Variants in CCDC102B observed in about 807,000 individuals in gnomAD.
CCDC102B encodes coiled-coil domain containing 102B, also known as coiled-coil domain-containing protein 102B.
Under a neutral mutation model 57.4 loss-of-function variants are expected in CCDC102B, and 75 were observed. The ratio of observed to expected loss-of-function variants is 1.31; its 90% CI spans 1.08 to 1.58. The LOEUF is 1.58. Ranked by LOEUF, CCDC102B falls within the 40% of genes most tolerant of loss-of-function variation. CCDC102B has a pLI of 0.00. For missense variants in CCDC102B, 636 were observed against 582.6 expected (o/e 1.09, Z -0.94); for synonymous variants, 206 against 201.9 (o/e 1.02, Z -0.17).
At chr18:69,009,465 A>G (rs1428024399) in intron 6 of CCDC102B, among the ~76,000 whole-genome samples, 10 of 152,120 alleles carry the variant, frequency 6.6e-5, no homozygotes, top group Non-Finnish European at 1.3e-4. Flanking sequence ...ATATGACATA[A>G]ATTCGAATTG....
At chr18:69,053,674 CT>C (rs543766296) in intron 7 of CCDC102B, among the ~76,000 whole-genome samples, 136 of 148,678 alleles carry the variant, frequency 9.1e-4, no homozygotes, top group African/African-American at 2.5e-3. Context: ...ATTTCAACTA[CT>C]TTTTTTTTTC....
chr18:68,739,035 A>G (rs1427487188), intron 2 of CCDC102B, among the ~76,000 whole-genome samples: 6 of 142,792 alleles, frequency 4.2e-5, no homozygotes, highest in Admixed American at 2.9e-4. Context: ...GCTGTCACCC[A>G]GGCTGGAGTA....
At position 68,921,815 on chromosome 18, in the gene CCDC102B, A is replaced by G. The variant is rs535036753; in HGVS notation, c.1263+24387A>G. ...CTGTAGAGCCTATTAAAATATTGCA[A>G]TTGTAGCCACGTGAGAGCTATGTCA... On this transcript the variant is annotated intron_variant, in intron 6 of 7. Coordinates refer to ENST00000360242, the MANE Select transcript of CCDC102B (RefSeq NM_024781.3). Among the ~76,000 whole-genome samples the G allele has an allele frequency of 1.1e-4, 16 of 152,284 alleles. No individual in the cohort carries two copies. The East Asian group carries it at 1.9e-3, about 18-fold the overall frequency.
chr18:68,860,475 C>CAAAAAAAAAAAAAAAAAAAAAAAAAA (rs1169097862), intron 4 of CCDC102B, among the ~76,000 whole-genome samples: 1 of 53,058 alleles, frequency 1.9e-5, no homozygotes, highest in African/African-American at 4.9e-5. Flanking sequence ...AAAACAAAAA[C>CAAAAAAAAAAAAAAAAAAAAAAAAAA]AAAAAAAAAA....
intron 2 of CCDC102B, among the ~76,000 whole-genome samples, chr18:68,757,665 A>T (rs960221413): frequency 1.3e-5 from 2 of 152,172 alleles, no homozygotes; most frequent in Non-Finnish European, 2.9e-5. Context: ...CACATTAAAC[A>T]TTACATAGTA....
In CCDC102B at chr18:68,897,351, A is replaced by G. The variant is rs2040277546; in HGVS notation, c.1186A>G (p.Lys396Glu). Residue 396 changes from lysine to glutamate, a missense_variant, in exon 6 of 8, where the codon AAG becomes GAG. By Grantham distance (56) the Lys-to-Glu change is moderately conservative. Transcript: ENST00000360242. ...QVKEMEELLDKKNRLSANSQS... is the reference protein window; with the variant it reads ...QVKEMEELLDEKNRLSANSQS... ...GAAAGAAATGGAAGAGCTTTTGGAT[A>G]AGAAAAATAGATTAAGTGCAAACTC... is the stretch of plus-strand genomic sequence containing the variant. The G allele has an allele frequency of 6.2e-7, 1 of 1,613,116 alleles. No individual in the cohort carries two copies. Among genetic ancestry groups the G allele is most frequent in the Non-Finnish European group, 8.5e-7 (1 of 1,179,308 alleles).
intron 4 of CCDC102B, among the ~76,000 whole-genome samples, chr18:68,849,541 G>A (rs1599562289): frequency 6.6e-6 from 1 of 151,942 alleles, no homozygotes; most frequent in African/African-American, 2.4e-5. Flanking sequence ...CACCACTGTT[G>A]ACCTATTAAA....
At chr18:69,032,575 A>G (rs1445724145) in intron 7 of CCDC102B, among the ~76,000 whole-genome samples, 1 of 152,184 alleles carries the variant, frequency 6.6e-6, no homozygotes, top group Non-Finnish European at 1.5e-5. Context: ...TGATGAGACT[A>G]TTCTACAATT....
intron 7 of CCDC102B, among the ~76,000 whole-genome samples, chr18:69,041,204 C>A (rs2052425611): frequency 6.6e-6 from 1 of 152,062 alleles, no homozygotes; most frequent in Admixed American, 6.6e-5. Flanking sequence ...TGCTATGTAT[C>A]ATCCTACTTT....
At chr18:68,983,061 G>A (rs1239998718) in intron 6 of CCDC102B, among the ~76,000 whole-genome samples, 1 of 151,356 alleles carries the variant, frequency 6.6e-6, no homozygotes. Flanking sequence ...AATTATTTGT[G>A]TTCATACTAT....
intron 2 of CCDC102B, among the ~76,000 whole-genome samples, chr18:68,790,388 C>T (rs1193662262): frequency 6.6e-6 from 1 of 151,928 alleles, no homozygotes; most frequent in Non-Finnish European, 1.5e-5. Flanking sequence ...GCTTTGTTTA[C>T]CTAAGCAAGC....
At chr18:68,759,797 A>G (rs2034193868) in intron 2 of CCDC102B, among the ~76,000 whole-genome samples, 1 of 152,214 alleles carries the variant, frequency 6.6e-6, no homozygotes, top group Admixed American at 6.5e-5. Context: ...TGGATTGTAG[A>G]CCTACAGAGC....
intron 2 of CCDC102B, among the ~76,000 whole-genome samples, chr18:68,757,924 G>C (rs2034111305): frequency 6.6e-6 from 1 of 151,590 alleles, no homozygotes; most frequent in Non-Finnish European, 1.5e-5. Flanking sequence ...ATATTAGAAA[G>C]ACATCAAGAT....
intron 2 of CCDC102B, among the ~76,000 whole-genome samples, chr18:68,750,386 G>A (rs185205538): frequency 3.2e-3 from 491 of 152,258 alleles, no homozygotes; most frequent in Admixed American, 5.1e-3. Context: ...ACAGTGTGGC[G>A]ATTCCTCAAG....
chr18:68,858,028 C>T (rs1475884589), intron 4 of CCDC102B, among the ~76,000 whole-genome samples: 3 of 152,148 alleles, frequency 2.0e-5, no homozygotes, highest in Admixed American at 2.0e-4. Context: ...ATCTGGGATT[C>T]TCCCCACTGT....
intron 6 of CCDC102B, among the ~76,000 whole-genome samples, chr18:68,951,435 T>C (rs532910029): frequency 2.0e-5 from 3 of 152,310 alleles, no homozygotes; most frequent in East Asian, 3.9e-4. Context: ...AGGATGATTG[T>C]ATTCCTCTTT....
chr18:68,728,563 G>T (rs1029430252), intron 2 of CCDC102B, among the ~76,000 whole-genome samples: 2 of 152,154 alleles, frequency 1.3e-5, no homozygotes, highest in African/African-American at 4.8e-5. Context: ...GGCACAGCTG[G>T]CTGTGACCTG....
At chr18:68,954,390 A>T (rs2049787742) in intron 6 of CCDC102B, among the ~76,000 whole-genome samples, 1 of 152,230 alleles carries the variant, frequency 6.6e-6, no homozygotes, top group African/African-American at 2.4e-5. Flanking sequence ...ACTGCGCTCC[A>T]GCCTGGGTGA....
intron 5 of CCDC102B, among the ~76,000 whole-genome samples, chr18:68,886,359 TTAAATTTTCAGTAAATGAAAAA>T (rs548319014): frequency 4.7e-4 from 71 of 152,122 alleles, no homozygotes; most frequent in African/African-American, 1.6e-3. Flanking sequence ...TATACAACCA[TTAAATTTTCAGTAAATGAAAAA>T]AAAATTTTCA....
Sources: allele counts gnomAD v4.1 joint callset (sites outside exome capture counted in the v4.1 genomes callset), GRCh38; gene constraint gnomAD v4.1.1; transcripts MANE v1.5; gene names NCBI Gene and HGNC (gene_info 2026-07-23, HGNC 2026-07-21).